SDK2: variants seen among roughly 807,000 people sequenced by gnomAD.
The protein encoded by SDK2 is protein sidekick-2.
Under a neutral mutation model 253.9 loss-of-function variants are expected in SDK2, and 105 were observed. The observed-to-expected ratio is 0.41, with a 90% CI of 0.35 to 0.49. The LOEUF is 0.49. Among genes scored for constraint, SDK2 ranks in the 20% least tolerant of loss-of-function variants. SDK2 has a pLI of 0.06. For missense variants in SDK2, 2,608 were observed against 3,003.0 expected (o/e 0.87, Z 3.07); for synonymous variants, 1,249 against 1,234.9 (o/e 1.01, Z -0.24).
intron 1 of SDK2, among the ~76,000 whole-genome samples, chr17:73,599,770 G>A (rs1190356980): frequency 6.6e-6 from 1 of 152,134 alleles, no homozygotes; most frequent in African/African-American, 2.4e-5. Context: ...AGCAGAGGCT[G>A]TGCCACAGTC....
chr17:73,587,589 G>C (rs78830589), intron 1 of SDK2, among the ~76,000 whole-genome samples: 164 of 152,270 alleles, frequency 1.1e-3, no homozygotes, highest in African/African-American at 3.9e-3. Context: ...TAAATGAGAC[G>C]GGACTCTGAG....
rs1371281671 is a variant in SDK2, at chr17:73,435,041, T to C, written c.1195+409A>G. Among the ~76,000 whole-genome samples the C allele has an allele frequency of 6.6e-6, 1 of 152,148 alleles. No individual in the cohort carries two copies. The highest frequency in any genetic ancestry group is 1.5e-5 in the Non-Finnish European group (1 of 68,032). ...GAAAGGGATTTGCGAGCAGGAGAAC[T>C]AAGAGAAAAACACCAGTTTTCTTCT... On this transcript the variant is annotated intron_variant, in intron 9 of 44. Coordinates refer to ENST00000392650, the MANE Select transcript of SDK2 (RefSeq NM_001144952.2). The surrounding 1 kb of genome is among the most constrained non-coding windows in gnomAD (Gnocchi z 5.7).
intron 1 of SDK2, among the ~76,000 whole-genome samples, chr17:73,626,263 T>C (rs934440617): frequency 1.3e-5 from 2 of 152,174 alleles, no homozygotes; most frequent in African/African-American, 4.8e-5. Flanking sequence ...CTCTTGTCTG[T>C]AGTGACAGAT....
Position 73,348,718 on chromosome 17 carries a change from G to C in SDK2, c.6046C>G (p.Pro2016Ala). The C allele has an allele frequency of 6.2e-7, 1 of 1,606,188 alleles. No homozygotes were observed. The highest frequency in any genetic ancestry group is 8.5e-7 in the Non-Finnish European group (1 of 1,178,622). Residue 2016 changes from proline to alanine, a missense_variant, in exon 44 of 45, where the codon CCC (proline) becomes GCC (alanine). Pro to Ala is a conservative substitution (Grantham distance 27, BLOSUM62 -1). Transcript: ENST00000392650. ...RKNGLYTRSP[P>A]RPSPGSLHYS... ...TGCAGGCTGCCTGGGCTGGGCCTGG[G>C]GGGAGACCTGGAGAGAGCGGGGGAG... is the stretch of plus-strand genomic sequence containing the variant.
intron 18 of SDK2, 90 bp downstream of exon 18, chr17:73,414,554 G>T: frequency 1.0e-6 from 1 of 957,628 alleles, no homozygotes. Flanking sequence ...AAACAGAGGG[G>T]GGATTTCCTC....
chr17:73,487,480 C>T (rs955648951), intron 2 of SDK2, among the ~76,000 whole-genome samples: 3 of 152,148 alleles, frequency 2.0e-5, no homozygotes, highest in Non-Finnish European at 2.9e-5. Context: ...AGGCAACTGA[C>T]AGATGGGGCG....
At chr17:73,575,222 C>T (rs909515294) in intron 1 of SDK2, among the ~76,000 whole-genome samples, 4 of 152,146 alleles carry the variant, frequency 2.6e-5, no homozygotes, top group Admixed American at 2.0e-4. Flanking sequence ...ACACCTGCAT[C>T]GGGAAGATCA....
rs2062507797 is a variant in SDK2 at position 73,348,721 on chromosome 17, G to A, written c.6043C>T (p.Pro2015Ser). ...CRKNGLYTRSPPRPSPGSLHY... is the reference protein window; with the variant it reads ...CRKNGLYTRSSPRPSPGSLHY... ...AGGCTGCCTGGGCTGGGCCTGGGGG[G>A]AGACCTGGAGAGAGCGGGGGAGTGG... Residue 2015 changes from proline (P) to serine (S), a missense_variant, in exon 44 of 45, where the codon CCC becomes TCC. By Grantham distance (74) the Pro-to-Ser change is moderately conservative. Around this residue, in one of 2 missense-constraint regions of SDK2, gnomAD observed 1,103 missense variants for 1,143.9 expected, o/e 0.96. Transcript: ENST00000392650. The A allele has an allele frequency of 6.2e-7, 1 of 1,605,654 alleles. No homozygotes were observed. Among genetic ancestry groups the A allele is most frequent in the Non-Finnish European group, 8.5e-7 (1 of 1,178,970 alleles).
At position 73,385,931 on chromosome 17, in the gene SDK2, C is replaced by G. The variant is rs1478188486; in HGVS notation, c.4499-14G>C. The G allele has an allele frequency of 6.3e-7, 1 of 1,589,342 alleles. No homozygotes were observed. Among genetic ancestry groups the G allele is most frequent in the Admixed American group, 1.8e-5 (1 of 56,494 alleles). On this transcript the variant is annotated splice_polypyrimidine_tract_variant and intron_variant, in intron 31 of 44. Coordinates refer to ENST00000392650, the MANE Select transcript of SDK2 (RefSeq NM_001144952.2). ...CTTCATCGGGGGCTGTGGAGAGAAG[C>G]AGACAGGTGGGTTCTGGGGGCCGCA...
At chr17:73,407,831 C>G (rs2063091500) in intron 18 of SDK2, among the ~76,000 whole-genome samples, 1 of 151,992 alleles carries the variant, frequency 6.6e-6, no homozygotes, top group Non-Finnish European at 1.5e-5. Context: ...TTCAGGTAAC[C>G]AAAAAGTTGA....
rs1338698598 is a variant in SDK2 at position 73,639,792 on chromosome 17, G to T, written c.64+4233C>A. ...GATCCTAGGAAAACCAGCTATAAGG[G>T]GACAATTTCTTCATCAGCATAAAAC... On this transcript the variant is annotated intron_variant, in intron 1 of 44. Coordinates refer to ENST00000392650, the MANE Select transcript of SDK2 (RefSeq NM_001144952.2). This position sits in a 1 kb window ranked among gnomAD's most constrained non-coding sequence, Gnocchi z 4.3. Among the ~76,000 whole-genome samples the T allele has an allele frequency of 1.3e-5, 2 of 152,054 alleles. No individual in the cohort carries two copies. Among genetic ancestry groups the T allele is most frequent in the African/African-American group, 4.8e-5 (2 of 41,398 alleles).
At chr17:73,439,712 G>A (rs1459424171) in intron 6 of SDK2, among the ~76,000 whole-genome samples, 3 of 152,328 alleles carry the variant, frequency 2.0e-5, no homozygotes, top group Non-Finnish European at 2.9e-5. Flanking sequence ...TCAGCGCGCT[G>A]CCTATGCGCC....
At chr17:73,520,451 G>A (rs1431996660) in intron 1 of SDK2, 1 of 151,790 alleles carries the variant, frequency 6.6e-6, no homozygotes, top group Non-Finnish European at 1.5e-5. Flanking sequence ...TCTACCACAG[G>A]GAGTCCCGTC....
chr17:73,546,198 G>T lies in SDK2; in HGVS notation c.65-38601C>A, dbSNP rs527614440. Among the ~76,000 whole-genome samples, 11 of 152,340 alleles carry T rather than the reference G, an allele frequency of 7.2e-5. No homozygotes were observed. The South Asian group carries it at 2.1e-3, about 29-fold the overall frequency. The stretch of plus-strand genomic sequence containing the variant: ...CTTTCTCCCCTCCCTGAAGGTGCCA[G>T]GGCAGGCGGAGGCAGAGTTCAGACC... On this transcript the variant is annotated intron_variant, in intron 1 of 44. Transcript: ENST00000392650.
At chr17:73,397,411 T>C (rs1175214874) in intron 24 of SDK2, among the ~76,000 whole-genome samples, 2 of 152,172 alleles carry the variant, frequency 1.3e-5, no homozygotes. Flanking sequence ...CTGCTGTTCA[T>C]GAAAGCACGT....
chr17:73,512,265 G>T (rs770296708), intron 1 of SDK2, among the ~76,000 whole-genome samples: 3 of 152,126 alleles, frequency 2.0e-5, no homozygotes, highest in Non-Finnish European at 4.4e-5. Context: ...AGCCTGGCAC[G>T]TGCTAGGAGG....
intron 1 of SDK2, among the ~76,000 whole-genome samples, chr17:73,550,336 G>A (rs1370683416): frequency 1.3e-5 from 2 of 152,206 alleles, no homozygotes; most frequent in African/African-American, 2.4e-5. Context: ...ACGTCCCCAG[G>A]AAGGGACCCC....
intron 1 of SDK2, among the ~76,000 whole-genome samples, chr17:73,528,758 G>A (rs112902896): frequency 1.3e-5 from 2 of 152,276 alleles, no homozygotes; most frequent in African/African-American, 4.8e-5. Context: ...CGGCTCATCT[G>A]CTCCCACTGC....
intron 18 of SDK2, among the ~76,000 whole-genome samples, chr17:73,407,664 C>T (rs1042581891): frequency 1.3e-5 from 2 of 152,166 alleles, no homozygotes; most frequent in African/African-American, 4.8e-5. Flanking sequence ...TCTTGAACTC[C>T]TGGCCTCAAG....
Sources: gnomAD v4.1 joint callset for allele counts (sites outside exome capture counted in the v4.1 genomes callset) on GRCh38, gnomAD v4.1.1 for gene constraint, gnomAD v4.1.1 regional missense constraint, Gnocchi (gnomAD v3.1) non-coding constraint, MANE v1.5 for transcripts, NCBI Gene and HGNC (gene_info 2026-07-23, HGNC 2026-07-21) for gene names.